Variants in MRPS7 observed in about 807,000 individuals in gnomAD.
MRPS7 encodes small ribosomal subunit protein uS7m.
A neutral mutation model predicts 26.2 loss-of-function variants in MRPS7; 13 were observed. The ratio of observed to expected loss-of-function variants is 0.50; its 90% CI spans 0.32 to 0.79. The LOEUF (loss-of-function observed/expected upper bound fraction) is 0.79, where lower values mean the gene tolerates loss of function less well. MRPS7 is among the 30% of genes least tolerant of loss of function. The probability of loss-of-function intolerance (pLI) is 0.03; values close to 1 mark genes in which losing one functional copy is unlikely to be tolerated. For synonymous variants in MRPS7, 129 were observed against 113.3 expected (o/e 1.14, Z -0.88); for missense variants, 318 against 312.2 (o/e 1.02, Z -0.14).
intron 4 of MRPS7, 130 bp from the exon 5 acceptor site, chr17:75,265,572 C>T (rs1253186830): frequency 1.3e-6 from 1 of 744,982 alleles, no homozygotes; most frequent in Non-Finnish European, 2.2e-6. Context: ...AAAGACAGGC[C>T]CTTCTCCCCA....
In MRPS7 at chr17:75,266,221, G is replaced by C. The variant is rs1485321417; in HGVS notation, c.*298G>C. The C allele has an allele frequency of 8.9e-6, 4 of 448,094 alleles. No individual in the cohort carries two copies. The highest frequency in any genetic ancestry group is 1.6e-5 in the Non-Finnish European group (4 of 246,984). The allele number at this position is 448,094 out of a possible 1,614,324, so 27.8% of individuals were successfully genotyped here. On this transcript the variant is annotated 3_prime_UTR_variant, in exon 5 of 5. Coordinates refer to ENST00000245539, the MANE Select transcript of MRPS7 (RefSeq NM_015971.4). The stretch of plus-strand genomic sequence containing the variant: ...GGGGCGGACCTTTGGATATATAAAG[G>C]AAGCAGTTTTAGTATCAGAAAAGAT...
intron 4 of MRPS7, chr17:75,263,882 G>GGA (rs748298575): frequency 9.2e-5 from 9 of 97,844 alleles, no homozygotes; most frequent in African/African-American, 3.6e-4. Context: ...CCTTGTCTCA[G>GGA]AAAAAAAAAA....
intron 3 of MRPS7, 112 bp downstream of exon 3, chr17:75,262,979 A>G: frequency 9.4e-7 from 1 of 1,066,878 alleles, no homozygotes. Flanking sequence ...TCTATTATTC[A>G]GATTAACTTC....
chr17:75,263,302 G>A, intron 3 of MRPS7, 38 bp from the exon 4 acceptor site: 2 of 1,612,222 alleles, frequency 1.2e-6, no homozygotes, highest in Non-Finnish European at 1.7e-6. Flanking sequence ...ACCCTTTAGG[G>A]AGCCTGGGGC....
intron 4 of MRPS7, 123 bp downstream of exon 4, chr17:75,263,630 C>T: frequency 7.7e-7 from 1 of 1,292,204 alleles, no homozygotes; most frequent in South Asian, 1.4e-5. Context: ...CACCTGTAAT[C>T]TCAGCACTTT....
Position 75,265,796 on chromosome 17 carries a change from T to C in MRPS7, c.602T>C (p.Met201Thr). The part of the protein sequence containing the change: ...CRDKKHQRTL[M>T]PEKLSHKLLE... ...GATAAAAAGCACCAGCGGACACTGA[T>C]GCCGGAGAAGCTGTCACACAAGCTG... is the stretch of plus-strand genomic sequence containing the variant. Residue 201 changes from methionine to threonine, a missense_variant, in exon 5 of 5, where the codon ATG (methionine) becomes ACG (threonine). Physicochemically the swap from Met to Thr is moderately conservative, Grantham distance 81. Transcript: ENST00000245539. 1 of 1,614,174 alleles carries C rather than the reference T, an allele frequency of 6.2e-7. No individual in the cohort carries two copies. Among genetic ancestry groups the C allele is most frequent in the Non-Finnish European group, 8.5e-7 (1 of 1,180,038 alleles).
intron 4 of MRPS7, among the ~76,000 whole-genome samples, chr17:75,264,928 A>G (rs1000611101): frequency 1.3e-5 from 2 of 151,710 alleles, no homozygotes; most frequent in Non-Finnish European, 2.9e-5. Flanking sequence ...TTAGGTACCT[A>G]TGGTCTGAGG....
Position 75,265,905 on chromosome 17 carries a change from C to T in MRPS7, c.711C>T (p.Ala237=), listed in dbSNP as rs146355809. ...HKMAEANRAL[A]HYRWW ...TGGCAGAGGCCAACCGTGCCCTGGC[C>T]CACTACCGCTGGTGGTAGAGTCTCC... Residue 237 remains alanine, a synonymous_variant, in exon 5 of 5, where the codon GCC becomes GCT. Transcript: ENST00000245539. 4.3e-6 allele frequency: 7 copies of T among 1,613,616 alleles called. No homozygotes were observed. Among genetic ancestry groups the T allele is most frequent in the African/African-American group, 1.3e-5 (1 of 74,924 alleles).
Position 75,262,538 on chromosome 17 carries a change from A to G in MRPS7, c.125A>G (p.Lys42Arg), listed in dbSNP as rs771918823. The G allele has an allele frequency of 6.2e-7, 1 of 1,614,116 alleles. No homozygotes were observed. Among genetic ancestry groups the G allele is most frequent in the Non-Finnish European group, 8.5e-7 (1 of 1,180,004 alleles). Reference sequence around the variant, plus strand: ...TGGAGCCGCTATAGTCCTGAATTCAAGGATCCCTTGATTGACAAGGAATAT... The same window carrying G: ...TGGAGCCGCTATAGTCCTGAATTCAGGGATCCCTTGATTGACAAGGAATAT... ...VRWSRYSPEF[K>R]DPLIDKEYYR... The change falls in exon 2 of 5, where the codon AAG becomes AGG. Residue 42 changes from lysine (K) to arginine (R), a missense_variant. Transcript: ENST00000245539.
chr17:75,264,808 A>T (rs1395104915), intron 4 of MRPS7, among the ~76,000 whole-genome samples: 2 of 148,710 alleles, frequency 1.3e-5, no homozygotes, highest in Non-Finnish European at 1.5e-5. Context: ...GTCCCTGCCC[A>T]CCCCAAGTAG....
rs181821516 is a variant in MRPS7, at chr17:75,263,225, G to A, written c.340-115G>A. On this transcript the variant is annotated intron_variant, in intron 3 of 4. Transcript: ENST00000245539. ...CTTTGTTTTGGATGTGCTGTGAGAG[G>A]AGCTGCATTGCCAGCGCAGAACCAG... 56 of 1,283,432 alleles carry A rather than the reference G, an allele frequency of 4.4e-5. No individual in the cohort carries two copies. In the African/African-American group the frequency reaches 5.5e-4, roughly 13 times the overall value. The allele number at this position is 1,283,432 out of a possible 1,614,324, so 79.5% of individuals were successfully genotyped here.
chr17:75,262,762 T>C, intron 2 of MRPS7, 42 bp from the exon 3 acceptor site: 1 of 1,613,922 alleles, frequency 6.2e-7, no homozygotes, highest in Non-Finnish European at 8.5e-7. Context: ...GATTCTGTGA[T>C]ACAGCCTTGG....
At position 75,262,543 on chromosome 17, in the gene MRPS7, C is replaced by T. The variant is rs775287024; in HGVS notation, c.130C>T (p.Pro44Ser). The change falls in exon 2 of 5, where the codon CCC becomes TCC. Residue 44 changes from proline (P) to serine (S), a missense_variant. Physicochemically the swap from Pro to Ser is moderately conservative, Grantham distance 74. Transcript: ENST00000245539. ...CCGCTATAGTCCTGAATTCAAGGAT[C>T]CCTTGATTGACAAGGAATATTATCG... ...WSRYSPEFKD[P>S]LIDKEYYRKP... The T allele has an allele frequency of 6.2e-7, 1 of 1,614,162 alleles. No individual in the cohort carries two copies. The highest frequency in any genetic ancestry group is 8.5e-7 in the Non-Finnish European group (1 of 1,180,036).
chr17:75,265,674 C>T (rs2077471186), intron 4 of MRPS7, 28 bp from the exon 5 acceptor site: 2 of 1,599,542 alleles, frequency 1.3e-6, no homozygotes, highest in Non-Finnish European at 1.7e-6. Context: ...ACTCTTGGAC[C>T]AACTTGCCTA....
chr17:75,265,837 A>C lies in MRPS7; in HGVS notation c.643A>C (p.Asn215His). The change falls in exon 5 of 5, where the codon AAC (asparagine) becomes CAC (histidine). Residue 215 changes from asparagine (N) to histidine (H), a missense_variant. Asn to His is a moderately conservative substitution (Grantham distance 68, BLOSUM62 1). Transcript: ENST00000245539. ...LSHKLLEAFH[N>H]QGPVIKRKHD... is the part of the protein sequence containing the mutation. ...ACACAAGCTGCTGGAGGCTTTCCAT[A>C]ACCAGGGCCCCGTGATCAAGAGGAA... 1 of 1,614,152 alleles carries C rather than the reference A, an allele frequency of 6.2e-7. No homozygotes were observed.
intron 4 of MRPS7, among the ~76,000 whole-genome samples, chr17:75,264,673 CTT>C (rs34581252): frequency 6.3e-4 from 85 of 135,194 alleles, no homozygotes; most frequent in Non-Finnish European, 7.6e-4. Context: ...TTGTTTTTAA[CTT>C]TTTTTTTTTT....
chr17:75,261,905 C>T lies in MRPS7; in HGVS notation c.5C>T (p.Ala2Val), dbSNP rs8075276. The T allele has an allele frequency of 0.8, 1,292,169 of 1,608,006 alleles. 529,496 individuals are homozygous for T. Among genetic ancestry groups the T allele is most frequent in the East Asian group, 0.88 (39,441 of 44,812 alleles). M[A>V]APAVKVARGW... The stretch of plus-strand genomic sequence containing the variant: ...GGGTCCTCGTGGCCAGCCAAGATGG[C>T]TGCCCCCGCAGTGAAGGTTGCCCGA... The change falls in exon 1 of 5, where the codon GCT becomes GTT. Residue 2 changes from alanine (A) to valine (V), a missense_variant. Physicochemically the swap from Ala to Val is moderately conservative, Grantham distance 64 (BLOSUM62 0). Coordinates refer to ENST00000245539, the MANE Select transcript of MRPS7 (RefSeq NM_015971.4).
intron 3 of MRPS7, 142 bp from the exon 4 acceptor site, chr17:75,263,198 A>G: frequency 9.7e-7 from 1 of 1,029,788 alleles, no homozygotes; most frequent in African/African-American, 1.6e-5. Context: ...GGCACTTAAA[A>G]ACTTTGTTTT....
chr17:75,263,293 C>A (rs1598477944), intron 3 of MRPS7, 47 bp from the exon 4 acceptor site: 1 of 1,609,852 alleles, frequency 6.2e-7, no homozygotes, highest in Non-Finnish European at 8.5e-7. Context: ...GCTGGGTAAA[C>A]CCTTTAGGGA....
Sources: allele counts gnomAD v4.1 joint callset (sites outside exome capture counted in the v4.1 genomes callset), GRCh38; gene constraint gnomAD v4.1.1; transcripts MANE v1.5; gene names NCBI Gene and HGNC (gene_info 2026-07-23, HGNC 2026-07-21).